GPR108: variants seen among roughly 807,000 people sequenced by gnomAD.
The protein encoded by GPR108 is G protein-coupled receptor 108.
Under a neutral mutation model 74.3 loss-of-function variants are expected in GPR108, and 60 were observed. That is an observed-to-expected ratio of 0.81 (90% CI 0.66 to 1.00). GPR108 has a LOEUF of 1.00. Among genes scored for constraint, GPR108 ranks in the 50% least tolerant of loss-of-function variants. The probability of loss-of-function intolerance (pLI) is 0.00; values close to 1 mark genes in which losing one functional copy is unlikely to be tolerated. For synonymous variants in GPR108, 311 were observed against 292.4 expected (o/e 1.06, Z -0.65); for missense variants, 667 against 703.3 (o/e 0.95, Z 0.58).
intron 8 of GPR108, 91 bp downstream of exon 8, chr19:6,733,479 G>T (rs1410080143): frequency 1.4e-6 from 2 of 1,417,618 alleles, no homozygotes; most frequent in Non-Finnish European, 2.0e-6. Flanking sequence ...ACCCGGGAGG[G>T]CTGGGAAAAG....
chr19:6,737,431 C>A, intron 1 of GPR108, 26 bp downstream of exon 1: 2 of 1,585,440 alleles, frequency 1.3e-6, no homozygotes, highest in Non-Finnish European at 1.7e-6. Context: ...GCCACCGACC[C>A]CAGACCCTCG....
chr19:6,732,125 C>T lies in GPR108; in HGVS notation c.1156G>A (p.Glu386Lys), dbSNP rs369212248. The T allele has an allele frequency of 1.2e-5, 20 of 1,613,574 alleles. No homozygotes were observed. Among genetic ancestry groups the T allele is most frequent in the African/African-American group, 4.0e-5 (3 of 74,886 alleles). The change falls in exon 13 of 18, where the codon GAG (glutamate) becomes AAG (lysine). Residue 386 changes from glutamate (E) to lysine (K), a missense_variant. Coordinates refer to ENST00000264080, the MANE Select transcript of GPR108 (RefSeq NM_001080452.2). ...VLANVAYIII[E>K]SREEGASDYV... ...TCGCTGGCGCCTTCCTCGCGGGACT[C>T]GATGATGATGTAGGCCACGTTGGCC...
intron 1 of GPR108, 134 bp from the exon 2 acceptor site, chr19:6,736,845 G>A: frequency 2.4e-6 from 3 of 1,252,838 alleles, no homozygotes; most frequent in Non-Finnish European, 2.2e-6. Flanking sequence ...GATGACAAGA[G>A]AAAGTTGAGA....
chr19:6,736,820 A>C, intron 1 of GPR108, 109 bp from the exon 2 acceptor site: 3 of 1,469,036 alleles, frequency 2.0e-6, no homozygotes, highest in Non-Finnish European at 2.8e-6. Flanking sequence ...CCCTCTATTT[A>C]GGACAGGCCC....
Position 6,737,522 on chromosome 19 carries a change from GC to G in GPR108, c.54del (p.Gln19SerfsTer21). The G allele has an allele frequency of 6.4e-7, 1 of 1,571,242 alleles. No homozygotes were observed. On this transcript the variant is annotated frameshift_variant, in exon 1 of 18. Transcript: ENST00000264080. LOFTEE classifies it high-confidence loss of function. ...AGCAGCAGCACCAGAAGTAGCCGCT[GC>G]CCCCACTCCGCGGGGCTCCCGCGGC... Reference protein sequence around the residue: ...GLGRGSPAEWGQRLLLVLLLG... With the variant: ...GLGRGSPAEWXQRLLLVLLLG...
At position 6,730,314 on chromosome 19, in the gene GPR108, A is replaced by G. The variant is rs538829061; in HGVS notation, c.1630T>C (p.Ter544ArgextTer?). 51 of 1,613,590 alleles carry G rather than the reference A, an allele frequency of 3.2e-5. No homozygotes were observed. Among genetic ancestry groups the G allele is most frequent in the Admixed American group, 5.0e-5 (3 of 60,000 alleles). The change falls in exon 18 of 18, where the codon TGA (stop) becomes CGA (arginine). Residue 544 changes from the stop codon to arginine (R), a stop_lost. Transcript: ENST00000264080. ...NKTASGRELL[*>R] ...TTTGGTCTGAGATGTGGAGGTGATC[A>G]TAACAGTTCCCGCCCGCTGGCTGTT...
chr19:6,732,936 G>T lies in GPR108; in HGVS notation c.933+51C>A. The T allele has an allele frequency of 2.7e-6, 4 of 1,489,300 alleles. No individual in the cohort carries two copies. In the South Asian group the frequency reaches 4.9e-5, roughly 18 times the overall value. 92.3% of individuals were successfully genotyped at this position (1,489,300 alleles called of 1,614,324 possible). On this transcript the variant is annotated intron_variant, in intron 10 of 17. Coordinates refer to ENST00000264080, the MANE Select transcript of GPR108 (RefSeq NM_001080452.2). ...TCTGCAGAGATTTGGGGGATGGCCCGGGTGGGCCTTTCAGCCCACCCCCCG... is the reference window on the plus strand; with the variant it reads ...TCTGCAGAGATTTGGGGGATGGCCCTGGTGGGCCTTTCAGCCCACCCCCCG...
chr19:6,735,776 C>G (rs1968609940), intron 3 of GPR108, 72 bp from the exon 4 acceptor site: 1 of 1,554,740 alleles, frequency 6.4e-7, no homozygotes, highest in South Asian at 1.1e-5. Flanking sequence ...GTCTCCCTCC[C>G]TGTCCACCCA....
intron 1 of GPR108, 88 bp downstream of exon 1, chr19:6,737,369 G>T (rs376537385): frequency 7.0e-7 from 1 of 1,426,040 alleles, no homozygotes; most frequent in Non-Finnish European, 9.2e-7. Context: ...GGGGACGGGG[G>T]AGGGCGGACG....
At chr19:6,737,341 G>A in intron 1 of GPR108, 116 bp downstream of exon 1, 1 of 1,296,006 alleles carries the variant, frequency 7.7e-7, no homozygotes, top group Non-Finnish European at 1.0e-6. Context: ...GGGGGGCGCC[G>A]GACCACTCCA....
At chr19:6,735,860 C>A in intron 3 of GPR108, 48 bp downstream of exon 3, 1 of 1,584,962 alleles carries the variant, frequency 6.3e-7, no homozygotes, top group Non-Finnish European at 8.6e-7. Flanking sequence ...CAGACCCTAC[C>A]CCCTCCCTCC....
At chr19:6,731,975 A>G (rs1284214363) in intron 13 of GPR108, 41 bp from the exon 14 acceptor site, 2 of 1,613,444 alleles carry the variant, frequency 1.2e-6, no homozygotes, top group Non-Finnish European at 1.7e-6. Context: ...CAGCGCGGAC[A>G]TCGCCCATGT....
chr19:6,737,083 G>A, intron 1 of GPR108: 2 of 379,358 alleles, frequency 5.3e-6, no homozygotes, highest in South Asian at 6.4e-5. Flanking sequence ...ATCCCATTAA[G>A]TGCCCAGAGG....
intron 10 of GPR108, 157 bp downstream of exon 10, chr19:6,732,830 G>A (rs1406644248): frequency 2.9e-6 from 2 of 683,416 alleles, no homozygotes; most frequent in African/African-American, 3.6e-5. Flanking sequence ...CTGGTGGACA[G>A]AGGGGATGGG....
rs375930330 is a variant in GPR108, at chr19:6,731,450, C to A, written c.1350+23G>T. On this transcript the variant is annotated intron_variant, in intron 15 of 17. Coordinates refer to ENST00000264080, the MANE Select transcript of GPR108 (RefSeq NM_001080452.2). Reference sequence around the variant, plus strand: ...CAGGCCGGTAATCCCCCCAAACCCGCTGTGAGTGAGGCGGGCTCCTACCAT... The same window carrying A: ...CAGGCCGGTAATCCCCCCAAACCCGATGTGAGTGAGGCGGGCTCCTACCAT... The A allele has an allele frequency of 3.2e-5, 49 of 1,527,604 alleles. 1 individual carries two copies. Among genetic ancestry groups the A allele is most frequent in the Middle Eastern group, 1.8e-4 (1 of 5,534 alleles). 94.6% of individuals were successfully genotyped at this position (1,527,604 alleles called of 1,614,324 possible). A position where few individuals can be genotyped will look rare whatever the true frequency, so the allele number is the denominator to read the frequency against.
At position 6,734,180 on chromosome 19, in the gene GPR108, C is replaced by G. The variant is rs1968538357; in HGVS notation, c.499+3G>C. 1.2e-6 allele frequency: 2 copies of G among 1,614,114 alleles called. No individual in the cohort carries two copies. Among genetic ancestry groups the G allele is most frequent in the Admixed American group, 3.3e-5 (2 of 60,014 alleles). ...CCCCGTCTGCACAGCCAGCCTGACT[C>G]ACCGCCATCCACCTTGCGGGGGACT... On this transcript the variant is annotated splice_donor_region_variant and intron_variant, in intron 5 of 17. Transcript: ENST00000264080.
At position 6,731,114 on chromosome 19, in the gene GPR108, G is replaced by A. The variant is rs1968380495; in HGVS notation, c.1435-3C>T. The A allele has an allele frequency of 1.2e-6, 2 of 1,612,786 alleles. No homozygotes were observed. Among genetic ancestry groups the A allele is most frequent in the African/African-American group, 1.3e-5 (1 of 74,842 alleles). On this transcript the variant is annotated splice_polypyrimidine_tract_variant and splice_region_variant and intron_variant, in intron 16 of 17. Transcript: ENST00000264080. ...AGGGTGGAGCCCTCCACCAAGAGCTGGGGGACGGGGCGGAGTGGGGGCGTC... is the reference window on the plus strand; with the variant it reads ...AGGGTGGAGCCCTCCACCAAGAGCTAGGGGACGGGGCGGAGTGGGGGCGTC...
chr19:6,736,469 C>G lies in GPR108; in HGVS notation c.240+123G>C, dbSNP rs994751181. The G allele has an allele frequency of 3.0e-5, 31 of 1,019,088 alleles. No individual in the cohort carries two copies. In the African/African-American group the frequency reaches 3.7e-4, roughly 12 times the overall value. 63.1% of individuals were successfully genotyped at this position (1,019,088 alleles called of 1,614,324 possible). On this transcript the variant is annotated intron_variant, in intron 2 of 17. Coordinates refer to ENST00000264080, the MANE Select transcript of GPR108 (RefSeq NM_001080452.2). The stretch of plus-strand genomic sequence containing the variant: ...CATCATTACTCCCAGGTACAGATGA[C>G]GAAACAGGCTCAGAGAGATGACGGG...
At position 6,731,075 on chromosome 19, in the gene GPR108, G is replaced by C. The variant is rs1346508491; in HGVS notation, c.1471C>G (p.Leu491Val). The change falls in exon 17 of 18, where the codon CTC (leucine) becomes GTC (valine). Residue 491 changes from leucine (L) to valine (V), a missense_variant. Physicochemically the swap from Leu to Val is conservative, Grantham distance 32. Coordinates refer to ENST00000264080, the MANE Select transcript of GPR108 (RefSeq NM_001080452.2). The part of the protein sequence containing the change: ...VEGSTLAFFV[L>V]TGYKFQPTGN... ...GTGGGCTGGAACTTGTAGCCCGTGA[G>C]CACGAAGAAGGCCAGGGTGGAGCCC... 9 of 1,613,614 alleles carry C rather than the reference G, an allele frequency of 5.6e-6. No homozygotes were observed. The highest frequency in any genetic ancestry group is 6.8e-6 in the Non-Finnish European group (8 of 1,179,884).
Sources: allele counts gnomAD v4.1 joint callset, GRCh38; gene constraint gnomAD v4.1.1; transcripts MANE v1.5; gene names NCBI Gene and HGNC (gene_info 2026-07-23, HGNC 2026-07-21).